TYW3: variants seen among roughly 807,000 people sequenced by gnomAD.
TYW3 encodes tRNA wybutosine-synthesizing protein 3 homolog.
A neutral mutation model predicts 23.1 loss-of-function variants in TYW3; 26 were observed. The observed-to-expected ratio is 1.13, with a 90% CI of 0.83 to 1.56. The LOEUF is 1.56. Ranked by LOEUF, TYW3 falls within the 40% of genes most tolerant of loss-of-function variation. TYW3 has a pLI of 0.00. For synonymous variants in TYW3, 102 were observed against 105.7 expected, an observed-to-expected ratio of 0.97 and a Z score of 0.21; for missense variants, 316 against 311.9, an observed-to-expected ratio of 1.01 and a Z score of -0.10.
At chr1:74,756,117 CTCTT>C (rs1461707693) in intron 5 of TYW3, among the ~76,000 whole-genome samples, 1 of 152,184 alleles carries the variant, frequency 6.6e-6, no homozygotes, top group Non-Finnish European at 1.5e-5. Flanking sequence ...TTCATTAAAT[CTCTT>C]TCTTTTGTAA....
At chr1:74,746,124 A>C (rs886464108) in intron 3 of TYW3, among the ~76,000 whole-genome samples, 3 of 152,232 alleles carry the variant, frequency 2.0e-5, no homozygotes. Context: ...TCAAATAGAC[A>C]TTTGGGTAGA....
At chr1:74,747,751 GTATA>G (rs1480041295) in intron 3 of TYW3, among the ~76,000 whole-genome samples, 1 of 150,808 alleles carries the variant, frequency 6.6e-6, no homozygotes, top group Non-Finnish European at 1.5e-5. Context: ...ACACATATAT[GTATA>G]TATGTATGTG....
At chr1:74,746,280 G>C (rs577915169) in intron 3 of TYW3, among the ~76,000 whole-genome samples, 1 of 152,194 alleles carries the variant, frequency 6.6e-6, no homozygotes, top group Non-Finnish European at 1.5e-5. Flanking sequence ...TGAGGAACAC[G>C]AGCATTTAGA....
In TYW3 at chr1:74,765,857, T is replaced by C. The variant is rs1250537722; in HGVS notation, c.*1744T>C. On this transcript the variant is annotated 3_prime_UTR_variant, in exon 6 of 6. Coordinates refer to ENST00000370867, the MANE Select transcript of TYW3 (RefSeq NM_138467.3). Reference sequence around the variant, plus strand: ...TAAGAAGAGAGGGGCTGCTTCCTAATCTGTTTATATAAGGTATAGTATAGT... The same window carrying C: ...TAAGAAGAGAGGGGCTGCTTCCTAACCTGTTTATATAAGGTATAGTATAGT... 6.6e-6 allele frequency: 1 copy of C among 152,072 alleles called. No individual in the cohort carries two copies. Among genetic ancestry groups the C allele is most frequent in the Non-Finnish European group, 1.5e-5 (1 of 68,008 alleles). The allele number at this position is 152,072 out of a possible 1,614,324, so 9.4% of individuals were successfully genotyped here. A position where few individuals can be genotyped will look rare whatever the true frequency, so the allele number is the denominator to read the frequency against.
intron 3 of TYW3, among the ~76,000 whole-genome samples, chr1:74,743,364 C>G (rs901956131): frequency 2.6e-5 from 4 of 152,004 alleles, no homozygotes; most frequent in Non-Finnish European, 4.4e-5. Context: ...CCAACGTTGC[C>G]AGGTTTAATA....
chr1:74,749,726 G>A (rs1424804661), intron 4 of TYW3, among the ~76,000 whole-genome samples: 1 of 152,174 alleles, frequency 6.6e-6, no homozygotes, highest in Non-Finnish European at 1.5e-5. Context: ...CAGCACTTTG[G>A]GAGGCCAAGG....
chr1:74,752,498 C>A, intron 5 of TYW3, 73 bp downstream of exon 5: 1 of 1,354,008 alleles, frequency 7.4e-7, no homozygotes, highest in Non-Finnish European at 1.0e-6. Context: ...TACTTACTAT[C>A]TTCAGTTTAT....
intron 3 of TYW3, among the ~76,000 whole-genome samples, chr1:74,740,219 G>A (rs1199147492): frequency 6.6e-6 from 1 of 152,114 alleles, no homozygotes; most frequent in Non-Finnish European, 1.5e-5. Context: ...GACTTCAGGA[G>A]TGAAGCTGCA....
At chr1:74,746,097 C>T (rs936906988) in intron 3 of TYW3, among the ~76,000 whole-genome samples, 1 of 152,222 alleles carries the variant, frequency 6.6e-6, no homozygotes, top group Non-Finnish European at 1.5e-5. Context: ...CGTAAAAACA[C>T]CACCTAAGTG....
At chr1:74,748,441 A>G (rs1648662325) in intron 3 of TYW3, among the ~76,000 whole-genome samples, 1 of 152,232 alleles carries the variant, frequency 6.6e-6, no homozygotes, top group Non-Finnish European at 1.5e-5. Context: ...ACACAATTAG[A>G]AGAATGATTG....
rs1198624890 is a variant in TYW3 at position 74,736,519 on chromosome 1, A to G, written c.175-23A>G. On this transcript the variant is annotated intron_variant, in intron 1 of 5. Coordinates refer to ENST00000370867, the MANE Select transcript of TYW3 (RefSeq NM_138467.3). ...TTTGTAAAATATTATATGAAACTTAAATTATGTTATTTTTTATTTTAGGGT... is the reference window on the plus strand; with the variant it reads ...TTTGTAAAATATTATATGAAACTTAGATTATGTTATTTTTTATTTTAGGGT... 6 of 1,542,222 alleles carry G rather than the reference A, an allele frequency of 3.9e-6. No individual in the cohort carries two copies. In the East Asian group the frequency reaches 1.4e-4, roughly 35 times the overall value.
chr1:74,758,447 T>C (rs975646470), intron 5 of TYW3, among the ~76,000 whole-genome samples: 2 of 152,032 alleles, frequency 1.3e-5, no homozygotes, highest in Non-Finnish European at 2.9e-5. Flanking sequence ...ATTCTTATCA[T>C]CATTTACCAG....
intron 1 of TYW3, among the ~76,000 whole-genome samples, chr1:74,734,773 C>T (rs536879630): frequency 5.5e-4 from 84 of 152,242 alleles, no homozygotes; most frequent in African/African-American, 2.0e-3. Flanking sequence ...AAAGTATCTG[C>T]TTTATAGGGA....
intron 5 of TYW3, among the ~76,000 whole-genome samples, chr1:74,757,536 A>G (rs1228757127): frequency 1.3e-5 from 2 of 152,220 alleles, no homozygotes; most frequent in South Asian, 2.1e-4. Context: ...TGAAATGGCT[A>G]TATTTACCCA....
At chr1:74,739,440 A>G (rs531739884) in intron 3 of TYW3, among the ~76,000 whole-genome samples, 53 of 152,394 alleles carry the variant, frequency 3.5e-4, no homozygotes, top group African/African-American at 1.2e-3. Context: ...AGAACAGTGC[A>G]AAAAGCAGCT....
rs748377410 is a variant in TYW3 at position 74,733,212 on chromosome 1, A to G, written c.-33A>G. 6.2e-7 allele frequency: 1 copy of G among 1,609,690 alleles called. No individual in the cohort carries two copies. Among genetic ancestry groups the G allele is most frequent in the South Asian group, 1.1e-5 (1 of 90,246 alleles). Reference sequence around the variant, plus strand: ...CCAGGGAGAGACGAGGCTACCATGAAGGAGCCGAGCGCAGACCCTGAGTCC... The same window carrying G: ...CCAGGGAGAGACGAGGCTACCATGAGGGAGCCGAGCGCAGACCCTGAGTCC... On this transcript the variant is annotated 5_prime_UTR_variant, in exon 1 of 6. Transcript: ENST00000370867.
At chr1:74,750,590 G>A (rs1405771495) in intron 4 of TYW3, among the ~76,000 whole-genome samples, 1 of 151,844 alleles carries the variant, frequency 6.6e-6, no homozygotes, top group East Asian at 1.9e-4. Context: ...AAACCTCAGG[G>A]CCTCCAAACA....
At position 74,765,646 on chromosome 1, in the gene TYW3, A is replaced by AAGTT. The variant is rs1025559146; in HGVS notation, c.*1535_*1538dup. On this transcript the variant is annotated 3_prime_UTR_variant, in exon 6 of 6. Transcript: ENST00000370867. Reference sequence around the variant, plus strand: ...AGAGAAGATAAATGAATAAAAAAAAAAGTTATAAATAACAGTAGGAAAGAG... The same window carrying AAGTT: ...AGAGAAGATAAATGAATAAAAAAAAAAGTTAGTTATAAATAACAGTAGGAAAGAG... 6.6e-6 allele frequency: 1 copy of AAGTT among 152,138 alleles called. No individual in the cohort carries two copies. Among genetic ancestry groups the AAGTT allele is most frequent in the Non-Finnish European group, 1.5e-5 (1 of 68,016 alleles). 9.4% of individuals were successfully genotyped at this position (152,138 alleles called of 1,614,324 possible). A position where few individuals can be genotyped will look rare whatever the true frequency, so the allele number is the denominator to read the frequency against.
chr1:74,738,650 G>A (rs1187534469), intron 2 of TYW3, 40 bp from the exon 3 acceptor site: 3 of 1,470,326 alleles, frequency 2.0e-6, no homozygotes, highest in African/African-American at 2.8e-5. Flanking sequence ...CAAAGGACAG[G>A]CCATATACTT....
Sources: allele counts gnomAD v4.1 joint callset (sites outside exome capture counted in the v4.1 genomes callset), GRCh38; gene constraint gnomAD v4.1.1; transcripts MANE v1.5; gene names NCBI Gene and HGNC (gene_info 2026-07-23, HGNC 2026-07-21).